The following EBF1 variants were observed in gnomAD, a reference collection of about 807,000 sequenced individuals.
EBF1 encodes the protein EBF transcription factor 1.
In EBF1, 10 loss-of-function variants were observed where a neutral mutation model predicts 68.4. The observed-to-expected ratio is 0.15, with a 90% CI of 0.09 to 0.25. The LOEUF is 0.25. EBF1 is among the 10% of genes least tolerant of loss of function. The pLI is 1.00. For missense variants in EBF1, 509 were observed against 794.4 expected (o/e 0.64, Z 4.32); for synonymous variants, 298 against 299.8 (o/e 0.99, Z 0.06).
At chr5:158,992,733 C>A (rs919127967) in intron 6 of EBF1, among the ~76,000 whole-genome samples, 1 of 151,824 alleles carries the variant, frequency 6.6e-6, no homozygotes, top group Non-Finnish European at 1.5e-5. Context: ...GTTTTCAGTT[C>A]CTTTGCATGT....
At chr5:159,049,544 G>A (rs914085679) in intron 6 of EBF1, among the ~76,000 whole-genome samples, 16 of 152,288 alleles carry the variant, frequency 1.1e-4, no homozygotes, top group Non-Finnish European at 7.4e-5. Context: ...ACTTTGAGGC[G>A]AACTAAATAT....
chr5:159,098,024 AC>A (rs1211826881), intron 1 of EBF1, among the ~76,000 whole-genome samples: 3 of 151,536 alleles, frequency 2.0e-5, no homozygotes, highest in Non-Finnish European at 4.4e-5. Context: ...ACTACCACCC[AC>A]CCCCATCCTA....
intron 9 of EBF1, among the ~76,000 whole-genome samples, chr5:158,787,050 A>T (rs1777594967): frequency 6.6e-6 from 1 of 152,190 alleles, no homozygotes; most frequent in South Asian, 2.1e-4. Context: ...TCCTCACTTA[A>T]CGTGTTCATT....
At chr5:158,995,181 G>A (rs1416260158) in intron 6 of EBF1, among the ~76,000 whole-genome samples, 1 of 152,152 alleles carries the variant, frequency 6.6e-6, no homozygotes, top group African/African-American at 2.4e-5. Context: ...TGGAGAAAGA[G>A]CATGCCAGGT....
At chr5:158,807,116 T>G (rs1056774888) in intron 8 of EBF1, among the ~76,000 whole-genome samples, 1 of 152,154 alleles carries the variant, frequency 6.6e-6, no homozygotes, top group African/African-American at 2.4e-5. Context: ...ACCGCTGATC[T>G]CAGGATCAAG....
chr5:158,768,616 A>C (rs1471035656), intron 10 of EBF1, among the ~76,000 whole-genome samples: 4 of 152,176 alleles, frequency 2.6e-5, no homozygotes, highest in Non-Finnish European at 5.9e-5. Flanking sequence ...TGAAAAACAA[A>C]AGTGAATGCC....
At chr5:158,857,461 A>G (rs1315329901) in intron 6 of EBF1, among the ~76,000 whole-genome samples, 2 of 152,146 alleles carry the variant, frequency 1.3e-5, no homozygotes, top group African/African-American at 4.8e-5. Flanking sequence ...GTAAGATTGA[A>G]GTCCCGAAGA....
At chr5:158,833,206 T>C (rs373623404) in intron 7 of EBF1, among the ~76,000 whole-genome samples, 1 of 150,682 alleles carries the variant, frequency 6.6e-6, no homozygotes, top group Non-Finnish European at 1.5e-5. Context: ...CTCTGAAGGC[T>C]GAGGCAGGAG....
intron 6 of EBF1, among the ~76,000 whole-genome samples, chr5:159,055,775 G>A (rs975990157): frequency 6.6e-6 from 1 of 152,198 alleles, no homozygotes; most frequent in Non-Finnish European, 1.5e-5. Flanking sequence ...ATTTGGAAAA[G>A]AGAAAGAGAT....
At chr5:158,768,681 A>T (rs1217142725) in intron 10 of EBF1, among the ~76,000 whole-genome samples, 1 of 152,174 alleles carries the variant, frequency 6.6e-6, no homozygotes, top group Non-Finnish European at 1.5e-5. Flanking sequence ...ACTGGCATCC[A>T]CATCACTGCA....
At chr5:159,040,648 C>A (rs944473165) in intron 6 of EBF1, among the ~76,000 whole-genome samples, 1 of 152,138 alleles carries the variant, frequency 6.6e-6, no homozygotes, top group African/African-American at 2.4e-5. Context: ...TTTAACACAG[C>A]CAAATTTAAC....
rs1340087284 is a variant in EBF1 at position 158,978,781 on chromosome 5, CACACACACACACACAT to C, written c.554+94599_554+94614del. ...CTTGAAGGTAAAAGAATTGAAGATA[CACACACACACACACAT>C]ACACACACACACACACACACACACA... On this transcript the variant is annotated intron_variant, in intron 6 of 15. Transcript: ENST00000313708. Among the ~76,000 whole-genome samples the C allele has an allele frequency of 4.3e-3, 508 of 117,410 alleles. 3 individuals carry two copies. The highest frequency in any genetic ancestry group is 0.015 in the African/African-American group (479 of 30,972). 77.0% of individuals were successfully genotyped at this position (117,410 alleles called of 152,430 possible).
chr5:159,055,698 G>A (rs1247103443), intron 6 of EBF1, among the ~76,000 whole-genome samples: 1 of 152,118 alleles, frequency 6.6e-6, no homozygotes, highest in Non-Finnish European at 1.5e-5. Flanking sequence ...TTTTGGAGGT[G>A]GGACCTTACC....
chr5:158,761,325 G>A (rs1024685850), intron 10 of EBF1, among the ~76,000 whole-genome samples: 9 of 152,144 alleles, frequency 5.9e-5, no homozygotes, highest in Admixed American at 5.9e-4. Flanking sequence ...CTGTCGGTTT[G>A]CTCCAAGCTT....
intron 6 of EBF1, among the ~76,000 whole-genome samples, chr5:158,873,768 G>C (rs1425242883): frequency 6.6e-6 from 1 of 152,116 alleles, no homozygotes; most frequent in African/African-American, 2.4e-5. Context: ...AAAACTAAAA[G>C]AAATTTTAAA....
chr5:158,883,393 T>C (rs931026518), intron 6 of EBF1, among the ~76,000 whole-genome samples: 4 of 150,160 alleles, frequency 2.7e-5, no homozygotes, highest in African/African-American at 9.7e-5. Flanking sequence ...TATACATACA[T>C]ACATGTGTGT....
At chr5:158,850,178 T>C (rs1365529100) in intron 6 of EBF1, among the ~76,000 whole-genome samples, 1 of 152,244 alleles carries the variant, frequency 6.6e-6, no homozygotes, top group Non-Finnish European at 1.5e-5. Context: ...AAAGGCCATA[T>C]AACTAAAGTC....
At chr5:158,878,517 C>T (rs896109806) in intron 6 of EBF1, among the ~76,000 whole-genome samples, 2 of 152,168 alleles carry the variant, frequency 1.3e-5, no homozygotes, top group Admixed American at 1.3e-4. Context: ...TCTCATTTAA[C>T]CCCCACAACA....
At chr5:158,999,684 A>G (rs1407826166) in intron 6 of EBF1, among the ~76,000 whole-genome samples, 1 of 152,224 alleles carries the variant, frequency 6.6e-6, no homozygotes, top group Non-Finnish European at 1.5e-5. Context: ...TATGCTATCC[A>G]CTGATCCGTA....
Sources: allele counts gnomAD v4.1 joint callset (sites outside exome capture counted in the v4.1 genomes callset), GRCh38; gene constraint gnomAD v4.1.1; transcripts MANE v1.5; gene names NCBI Gene and HGNC (gene_info 2026-07-23, HGNC 2026-07-21).